PTPRZ1: variants seen among roughly 807,000 people sequenced by gnomAD.
PTPRZ1 encodes the protein receptor-type tyrosine-protein phosphatase zeta.
In PTPRZ1, 82 loss-of-function variants were observed where a neutral mutation model predicts 214.1. The ratio of observed to expected loss-of-function variants is 0.38; its 90% confidence interval spans 0.32 to 0.46. The LOEUF is 0.46. PTPRZ1 is among the 20% of genes least tolerant of loss of function. The probability of loss-of-function intolerance (pLI) is 1.00; values close to 1 mark genes in which losing one functional copy is unlikely to be tolerated. For synonymous variants in PTPRZ1, 945 were observed against 987.9 expected (o/e 0.96, Z 0.81); for missense variants, 2,603 against 2,748.7 (o/e 0.95, Z 1.19).
chr7:121,971,636 C>T (rs889346747), intron 3 of PTPRZ1, among the ~76,000 whole-genome samples: 4 of 152,026 alleles, frequency 2.6e-5, no homozygotes, highest in African/African-American at 4.8e-5. Flanking sequence ...CAAGGTTGTG[C>T]GAAGATCAAA....
At chr7:122,009,128 T>C (rs1340326835) in intron 11 of PTPRZ1, among the ~76,000 whole-genome samples, 1 of 152,114 alleles carries the variant, frequency 6.6e-6, no homozygotes, top group Non-Finnish European at 1.5e-5. Flanking sequence ...TCAAGTGCAC[T>C]AACTTCCTAA....
intron 12 of PTPRZ1, among the ~76,000 whole-genome samples, chr7:122,017,403 A>G (rs1798873597): frequency 6.6e-6 from 1 of 151,808 alleles, no homozygotes; most frequent in African/African-American, 2.4e-5. Context: ...GGCTTAGAAC[A>G]TTTTCACTTT....
intron 13 of PTPRZ1, among the ~76,000 whole-genome samples, chr7:122,024,558 C>T (rs116130965): frequency 1.2e-3 from 175 of 152,154 alleles, no homozygotes; most frequent in African/African-American, 4.1e-3. Context: ...AACCAATATG[C>T]AAATGACCTT....
In PTPRZ1 at chr7:122,013,920, G is replaced by C. The variant is rs376579623; in HGVS notation, c.4843+31G>C. 26 of 1,513,818 alleles carry C rather than the reference G, an allele frequency of 1.7e-5. No individual in the cohort carries two copies. In the Admixed American group the frequency reaches 2.4e-4, roughly 14 times the overall value. The allele number at this position is 1,513,818 out of a possible 1,614,324, so 93.8% of individuals were successfully genotyped here. A position where few individuals can be genotyped will look rare whatever the true frequency, so the allele number is the denominator to read the frequency against. Reference sequence around the variant, plus strand: ...TTACGGATCAGAAGGACAGATTGAGGTGTGGTGGTTTGCTTGCTCTAAAAG... The same window carrying C: ...TTACGGATCAGAAGGACAGATTGAGCTGTGGTGGTTTGCTTGCTCTAAAAG... On this transcript the variant is annotated intron_variant, in intron 12 of 29. Coordinates refer to ENST00000393386, the MANE Select transcript of PTPRZ1 (RefSeq NM_002851.3).
intron 20 of PTPRZ1, among the ~76,000 whole-genome samples, chr7:122,040,231 C>G (rs866469261): frequency 6.6e-6 from 1 of 152,038 alleles, no homozygotes; most frequent in African/African-American, 2.4e-5. Context: ...AAAGGAAACA[C>G]GAAGAATAAC....
intron 25 of PTPRZ1, 129 bp downstream of exon 25, chr7:122,052,068 T>TGTGG: frequency 3.1e-6 from 2 of 651,406 alleles, no homozygotes; most frequent in Non-Finnish European, 5.1e-6. Context: ...ATCTGTTGAC[T>TGTGG]GCAAGCCCAC....
At chr7:122,052,749 T>C (rs1050468575) in intron 25 of PTPRZ1, among the ~76,000 whole-genome samples, 8 of 152,154 alleles carry the variant, frequency 5.3e-5, no homozygotes, top group African/African-American at 1.7e-4. Context: ...TAGCAAAATA[T>C]GCAAGATGTC....
At chr7:121,878,193 T>A (rs1794120081) in intron 1 of PTPRZ1, among the ~76,000 whole-genome samples, 1 of 152,134 alleles carries the variant, frequency 6.6e-6, no homozygotes, top group Admixed American at 6.6e-5. Flanking sequence ...ACTAGGCAGA[T>A]GTAGCTATGT....
intron 1 of PTPRZ1, chr7:121,908,767 T>C (rs773288087): frequency 2.0e-6 from 1 of 495,738 alleles, no homozygotes; most frequent in Non-Finnish European, 4.0e-6. Flanking sequence ...CTAATGACAC[T>C]TTATTAATAG....
At chr7:121,943,862 G>A (rs950687649) in intron 2 of PTPRZ1, among the ~76,000 whole-genome samples, 1 of 152,140 alleles carries the variant, frequency 6.6e-6, no homozygotes, top group Non-Finnish European at 1.5e-5. Context: ...GTCAATCTCA[G>A]CTTATGTTAT....
At chr7:122,014,911 T>A (rs1208088676) in intron 12 of PTPRZ1, among the ~76,000 whole-genome samples, 2 of 152,210 alleles carry the variant, frequency 1.3e-5, no homozygotes, top group Non-Finnish European at 2.9e-5. Flanking sequence ...TGTTACACAC[T>A]TTTTTAAGTT....
At chr7:121,884,061 G>T (rs577890378) in intron 1 of PTPRZ1, among the ~76,000 whole-genome samples, 139 of 152,042 alleles carry the variant, frequency 9.1e-4, no homozygotes, top group Non-Finnish European at 1.3e-3. Flanking sequence ...TGTCAAGACT[G>T]AAATGTAAGC....
At chr7:122,033,970 CA>C (rs1799461352) in intron 15 of PTPRZ1, 124 bp from the exon 16 acceptor site, 6 of 799,010 alleles carry the variant, frequency 7.5e-6, no homozygotes, top group Admixed American at 5.6e-5. Context: ...TAGTATTTGA[CA>C]AATGTATTTA....
At chr7:122,009,680 T>G (rs1355274411) in intron 11 of PTPRZ1, among the ~76,000 whole-genome samples, 1 of 151,978 alleles carries the variant, frequency 6.6e-6, no homozygotes, top group African/African-American at 2.4e-5. Flanking sequence ...TTCAGCCTCC[T>G]GAATGGTGAT....
intron 1 of PTPRZ1, among the ~76,000 whole-genome samples, chr7:121,902,612 A>C (rs1209594081): frequency 6.6e-6 from 1 of 152,124 alleles, no homozygotes; most frequent in Non-Finnish European, 1.5e-5. Flanking sequence ...TCTGATAAGT[A>C]GTCATGTTAG....
In PTPRZ1 at chr7:122,010,522, G is replaced by A; in HGVS notation, c.1476G>A (p.Lys492=). The A allele has an allele frequency of 6.2e-7, 1 of 1,613,938 alleles. No homozygotes were observed. The highest frequency in any genetic ancestry group is 8.5e-7 in the Non-Finnish European group (1 of 1,179,850). Reference sequence around the variant, plus strand: ...CAAGAGGAAGTGAATTCTCTGGAAAGGGTGATGTTCCCAATACATCTTTAA... The same window carrying A: ...CAAGAGGAAGTGAATTCTCTGGAAAAGGTGATGTTCCCAATACATCTTTAA... ...SPTRGSEFSG[K]GDVPNTSLNS... is the part of the protein sequence containing the mutation. Residue 492 remains lysine, a synonymous_variant, in exon 12 of 30, where the codon AAG becomes AAA. Coordinates refer to ENST00000393386, the MANE Select transcript of PTPRZ1 (RefSeq NM_002851.3).
intron 8 of PTPRZ1, among the ~76,000 whole-genome samples, chr7:121,991,956 TTG>T (rs1261934158): frequency 6.6e-6 from 1 of 152,202 alleles, no homozygotes; most frequent in African/African-American, 2.4e-5. Context: ...TCAGCAGTCA[TTG>T]TCTTACTACT....
intron 14 of PTPRZ1, among the ~76,000 whole-genome samples, chr7:122,030,144 T>C (rs1466039070): frequency 6.6e-6 from 1 of 152,028 alleles, no homozygotes; most frequent in Non-Finnish European, 1.5e-5. Context: ...CTCCCCTGTT[T>C]TGAGTGTCAA....
Position 121,916,988 on chromosome 7 carries a change from G to A in PTPRZ1, c.59-11168G>A, listed in dbSNP as rs567317664. On this transcript the variant is annotated intron_variant, in intron 1 of 29. Transcript: ENST00000393386. ...GCAAAGAGTAGAGGCATGAGATGGG[G>A]ACTAAAAGTATCCAGCAGAGGAATG... Among the ~76,000 whole-genome samples the A allele has an allele frequency of 5.9e-5, 9 of 152,276 alleles. No homozygotes were observed. The East Asian group carries it at 1.7e-3, about 29-fold the overall frequency.
Sources: allele counts gnomAD v4.1 joint callset (sites outside exome capture counted in the v4.1 genomes callset), GRCh38; gene constraint gnomAD v4.1.1; transcripts MANE v1.5; gene names NCBI Gene and HGNC (gene_info 2026-07-23, HGNC 2026-07-21).